The following RNGTT variants were observed in gnomAD, a reference collection of about 807,000 sequenced individuals.
RNGTT encodes the protein mRNA-capping enzyme.
A neutral mutation model predicts 79.3 loss-of-function variants in RNGTT; 33 were observed. The ratio of observed to expected loss-of-function variants is 0.42; its 90% CI spans 0.32 to 0.56. The LOEUF (loss-of-function observed/expected upper bound fraction) is 0.56. RNGTT is among the 20% of genes least tolerant of loss of function. The pLI is 0.17. For missense variants in RNGTT, 497 were observed against 739.1 expected, an observed-to-expected ratio of 0.67 and a Z score of 3.80; for synonymous variants, 222 against 235.9, an observed-to-expected ratio of 0.94 and a Z score of 0.54.
In RNGTT at chr6:88,765,373, G is replaced by A. The variant is rs534664491; in HGVS notation, c.1439+4401C>T. On this transcript the variant is annotated intron_variant, in intron 13 of 15. Transcript: ENST00000369485. ...TGACTTAACCATACATTCTGCTGAG[G>A]TTCAATTAATAATTATAACCATTTT... Among the ~76,000 whole-genome samples, 3 of 151,992 alleles carry A rather than the reference G, an allele frequency of 2.0e-5. No individual in the cohort carries two copies. The East Asian group carries it at 5.8e-4, about 29-fold the overall frequency.
chr6:88,751,628 C>A (rs1777842685), intron 13 of RNGTT, among the ~76,000 whole-genome samples: 1 of 151,974 alleles, frequency 6.6e-6, no homozygotes, highest in Non-Finnish European at 1.5e-5. Context: ...AATACTGAAA[C>A]CCTCTCATTG....
In RNGTT at chr6:88,844,470, G is replaced by T. The variant is rs777283173; in HGVS notation, c.1156C>A (p.Arg386=). The T allele has an allele frequency of 1.2e-6, 2 of 1,613,760 alleles. No homozygotes were observed. Among genetic ancestry groups the T allele is most frequent in the African/African-American group, 1.3e-5 (1 of 75,014 alleles). ...DFNVRLQCIE[R]EIISPRHEKM... ...TCGTGTCGAGGACTTATAATTTCTC[G>T]TTCTATACACTGCAGACGAACATTA... Residue 386 remains arginine (R), a synonymous_variant, in exon 11 of 16, where the codon CGA becomes AGA. Coordinates refer to ENST00000369485, the MANE Select transcript of RNGTT (RefSeq NM_003800.5).
In RNGTT at chr6:88,763,087, CT is replaced by C. The variant is rs59200191; in HGVS notation, c.1439+6686del. On this transcript the variant is annotated intron_variant, in intron 13 of 15. Coordinates refer to ENST00000369485, the MANE Select transcript of RNGTT (RefSeq NM_003800.5). ...TACAGGCATGTGCCATCATGGCCAG[CT>C]TTTTTTTTTTTTTTTTTTTTTTTTT... Among the ~76,000 whole-genome samples, 742 of 95,466 alleles carry C rather than the reference CT, an allele frequency of 7.8e-3. 2 individuals are homozygous for C. Among genetic ancestry groups the C allele is most frequent in the African/African-American group, 0.015 (302 of 19,844 alleles). The allele number at this position is 95,466 out of a possible 152,430, so 62.6% of individuals were successfully genotyped here. A position where few individuals can be genotyped will look rare whatever the true frequency, so the allele number is the denominator to read the frequency against.
At chr6:88,963,148 T>C (rs549177508) in intron 1 of RNGTT, among the ~76,000 whole-genome samples, 198 bp downstream of exon 1, 1 of 152,100 alleles carries the variant, frequency 6.6e-6, no homozygotes, top group Non-Finnish European at 1.5e-5. Flanking sequence ...GCAGGAATAG[T>C]AACAAGTGCC....
At chr6:88,754,499 A>G (rs1411919219) in intron 13 of RNGTT, among the ~76,000 whole-genome samples, 3 of 152,182 alleles carry the variant, frequency 2.0e-5, no homozygotes, top group Non-Finnish European at 4.4e-5. Flanking sequence ...GCCACCACTT[A>G]GAGCACTCCA....
chr6:88,751,946 T>A (rs1777853681), intron 13 of RNGTT, among the ~76,000 whole-genome samples: 1 of 152,060 alleles, frequency 6.6e-6, no homozygotes, highest in Non-Finnish European at 1.5e-5. Context: ...ATTCCAAACT[T>A]GGAAGTCTAG....
intron 14 of RNGTT, among the ~76,000 whole-genome samples, chr6:88,618,899 G>C (rs1251231198): frequency 6.6e-6 from 1 of 152,138 alleles, no homozygotes; most frequent in East Asian, 1.9e-4. Context: ...GGATTTTTCT[G>C]TATCCTCCAT....
intron 4 of RNGTT, among the ~76,000 whole-genome samples, chr6:88,912,546 A>G (rs1478490483): frequency 6.6e-6 from 1 of 152,206 alleles, no homozygotes. Flanking sequence ...CAGAGCAAAA[A>G]GAAGTTGAGA....
intron 13 of RNGTT, among the ~76,000 whole-genome samples, chr6:88,735,855 C>T (rs574869223): frequency 1.3e-5 from 2 of 151,922 alleles, no homozygotes; most frequent in East Asian, 3.9e-4. Context: ...AACTTGAAAA[C>T]AGGAACAACA....
At chr6:88,829,424 C>T (rs1193978446) in intron 11 of RNGTT, among the ~76,000 whole-genome samples, 3 of 152,054 alleles carry the variant, frequency 2.0e-5, no homozygotes, top group Admixed American at 6.6e-5. Flanking sequence ...CAAAAACATA[C>T]CAAATTGTAA....
chr6:88,727,443 G>A (rs1285050660), intron 13 of RNGTT, among the ~76,000 whole-genome samples: 1 of 152,040 alleles, frequency 6.6e-6, no homozygotes, highest in Non-Finnish European at 1.5e-5. Context: ...TCTGTGAACT[G>A]GACATTAAAA....
intron 8 of RNGTT, among the ~76,000 whole-genome samples, chr6:88,854,110 C>CTT (rs35698376): frequency 6.6e-6 from 1 of 151,340 alleles, no homozygotes; most frequent in South Asian, 2.1e-4. Context: ...TTTTTTCTTT[C>CTT]TTTTTTTTAG....
At chr6:88,793,565 T>C (rs972980344) in intron 12 of RNGTT, among the ~76,000 whole-genome samples, 2 of 152,188 alleles carry the variant, frequency 1.3e-5, no homozygotes, top group African/African-American at 4.8e-5. Context: ...GAAAAGTCTA[T>C]TGAAATGATG....
At chr6:88,897,583 C>G (rs1783295022) in intron 6 of RNGTT, among the ~76,000 whole-genome samples, 1 of 152,120 alleles carries the variant, frequency 6.6e-6, no homozygotes. Flanking sequence ...CATCAATTAC[C>G]CTTCTGCTCC....
chr6:88,858,989 T>C (rs1487206181), intron 8 of RNGTT, among the ~76,000 whole-genome samples: 3 of 152,068 alleles, frequency 2.0e-5, no homozygotes, highest in African/African-American at 4.8e-5. Flanking sequence ...ATAGGAATTA[T>C]GAAAACTTTT....
chr6:88,667,827 C>G (rs1372357116), intron 14 of RNGTT, among the ~76,000 whole-genome samples: 1 of 152,068 alleles, frequency 6.6e-6, no homozygotes, highest in Non-Finnish European at 1.5e-5. Flanking sequence ...TAAAAAATAG[C>G]TTAGGGAAAG....
chr6:88,953,383 C>T (rs758906731), intron 1 of RNGTT, among the ~76,000 whole-genome samples: 12 of 151,772 alleles, frequency 7.9e-5, no homozygotes, highest in African/African-American at 2.4e-4. Context: ...CTTCAGAGCT[C>T]GAAGACAAAG....
At chr6:88,869,642 T>G (rs982139776) in intron 8 of RNGTT, among the ~76,000 whole-genome samples, 2 of 152,166 alleles carry the variant, frequency 1.3e-5, no homozygotes, top group Non-Finnish European at 1.5e-5. Context: ...TGAATCAAAC[T>G]ATTAGAAATT....
chr6:88,652,800 C>T (rs2127778511), intron 14 of RNGTT, among the ~76,000 whole-genome samples: 1 of 152,258 alleles, frequency 6.6e-6, no homozygotes. Context: ...CAACCACACA[C>T]CACTTGAAAT....
Sources: gnomAD v4.1 joint callset for allele counts (sites outside exome capture counted in the v4.1 genomes callset) on GRCh38, gnomAD v4.1.1 for gene constraint, MANE v1.5 for transcripts, NCBI Gene and HGNC (gene_info 2026-07-23, HGNC 2026-07-21) for gene names.